RFTN2: variants seen among roughly 807,000 people sequenced by gnomAD.
RFTN2 encodes raftlin-2.
RFTN2 carries 34 observed loss-of-function variants against 52.7 expected under a neutral mutation model. That is an observed-to-expected ratio of 0.64 (90% confidence interval 0.49 to 0.86). The LOEUF (loss-of-function observed/expected upper bound fraction) is 0.86. Among genes scored for constraint, RFTN2 ranks in the 40% least tolerant of loss-of-function variants. The probability of loss-of-function intolerance (pLI) is 0.00; values close to 1 mark genes in which losing one functional copy is unlikely to be tolerated. For missense variants in RFTN2, 536 were observed against 600.1 expected (o/e 0.89, Z 1.12); for synonymous variants, 203 against 217.7 (o/e 0.93, Z 0.59).
At chr2:197,665,716 C>T (rs956161721) in intron 1 of RFTN2, among the ~76,000 whole-genome samples, 2 of 151,754 alleles carry the variant, frequency 1.3e-5, no homozygotes, top group Non-Finnish European at 1.5e-5. Flanking sequence ...TTTTTAAGTC[C>T]ATTCAGCCAG....
chr2:197,575,792 T>C (rs978113859), intron 8 of RFTN2, among the ~76,000 whole-genome samples: 18 of 141,482 alleles, frequency 1.3e-4, no homozygotes, highest in Non-Finnish European at 2.6e-4. Flanking sequence ...ATATAATATA[T>C]TATATATATT....
intron 5 of RFTN2, among the ~76,000 whole-genome samples, chr2:197,626,940 T>A (rs1282533750): frequency 3.3e-5 from 5 of 152,096 alleles, no homozygotes; most frequent in Non-Finnish European, 7.4e-5. Flanking sequence ...ACCTCACAGG[T>A]TGCTGTGGGG....
At chr2:197,616,037 T>C in intron 6 of RFTN2, 58 bp from the exon 7 acceptor site, 1 of 1,015,138 alleles carries the variant, frequency 9.9e-7, no homozygotes, top group Non-Finnish European at 1.5e-6. Flanking sequence ...AACTACACAA[T>C]TACAACAAAG....
chr2:197,579,808 T>C (rs1443729494), intron 8 of RFTN2, among the ~76,000 whole-genome samples: 1 of 151,964 alleles, frequency 6.6e-6, no homozygotes, highest in Non-Finnish European at 1.5e-5. Context: ...TGAATCAGGC[T>C]CCAATTCTTC....
At chr2:197,574,157 C>A (rs1383336623) in intron 8 of RFTN2, among the ~76,000 whole-genome samples, 1 of 152,188 alleles carries the variant, frequency 6.6e-6, no homozygotes, top group African/African-American at 2.4e-5. Context: ...AATGGTAGAT[C>A]CACTGACAGC....
At position 197,671,615 on chromosome 2, in the gene RFTN2, T is replaced by G. The variant is rs559209497; in HGVS notation, c.139+3705A>C. 4.5e-4 allele frequency among the ~76,000 whole-genome samples: 68 copies of G among 152,374 alleles called. 2 individuals are homozygous for G. The South Asian group carries it at 0.01, about 23-fold the overall frequency. Reference sequence around the variant, plus strand: ...TATCCGAGGGCAGAAACTGTCTTATTCTTTTTTATATTTCCAATGCTAATC... The same window carrying G: ...TATCCGAGGGCAGAAACTGTCTTATGCTTTTTTATATTTCCAATGCTAATC... On this transcript the variant is annotated intron_variant, in intron 1 of 8. Coordinates refer to ENST00000295049, the MANE Select transcript of RFTN2 (RefSeq NM_144629.3).
rs570985128 is a variant in RFTN2 at position 197,662,827 on chromosome 2, C to T, written c.139+12493G>A. Among the ~76,000 whole-genome samples the T allele has an allele frequency of 2.0e-4, 30 of 152,152 alleles. No individual in the cohort carries two copies. The South Asian group carries it at 6.2e-3, about 32-fold the overall frequency. On this transcript the variant is annotated intron_variant, in intron 1 of 8. Coordinates refer to ENST00000295049, the MANE Select transcript of RFTN2 (RefSeq NM_144629.3). ...AAATTTTTCTAGAGATGGGTTCTCACTATGTTGCCCAGGCTGGTCTCAAAC... is the reference window on the plus strand; with the variant it reads ...AAATTTTTCTAGAGATGGGTTCTCATTATGTTGCCCAGGCTGGTCTCAAAC...
At chr2:197,580,840 T>C (rs975145048) in intron 8 of RFTN2, among the ~76,000 whole-genome samples, 1 of 152,180 alleles carries the variant, frequency 6.6e-6, no homozygotes, top group Non-Finnish European at 1.5e-5. Context: ...AGCACTCTTT[T>C]TTAGTTATCC....
chr2:197,619,334 G>C lies in RFTN2; in HGVS notation c.929-1413C>G, dbSNP rs562958974. Among the ~76,000 whole-genome samples, 1,442 of 152,212 alleles carry C rather than the reference G, an allele frequency of 9.5e-3. 21 individuals carry two copies. The highest frequency in any genetic ancestry group is 0.03 in the African/African-American group (1,248 of 41,512). ...AGGTGGGGAAAAGATTGAGAAATCG[G>C]ATGGTTGCCGTGTCTGTGTAGAAAG... On this transcript the variant is annotated intron_variant, in intron 5 of 8. Transcript: ENST00000295049.
intron 8 of RFTN2, among the ~76,000 whole-genome samples, chr2:197,590,820 G>A (rs191328557): frequency 9.1e-4 from 139 of 152,324 alleles, no homozygotes; most frequent in African/African-American, 3.1e-3. Flanking sequence ...GGCTTCAGGC[G>A]TGAAGCTGCA....
intron 1 of RFTN2, among the ~76,000 whole-genome samples, chr2:197,668,958 GTCTC>G (rs1468089021): frequency 6.6e-6 from 1 of 152,170 alleles, no homozygotes; most frequent in Non-Finnish European, 1.5e-5. Flanking sequence ...ATACTGGGGA[GTCTC>G]TCTCAGGCCT....
At chr2:197,611,220 TG>T in intron 7 of RFTN2, among the ~76,000 whole-genome samples, 1 of 152,308 alleles carries the variant, frequency 6.6e-6, no homozygotes, top group South Asian at 2.1e-4. Context: ...TGGTAGAATT[TG>T]GCTGTGAATC....
At chr2:197,673,495 G>A (rs1249552840) in intron 1 of RFTN2, among the ~76,000 whole-genome samples, 1 of 152,184 alleles carries the variant, frequency 6.6e-6, no homozygotes, top group Non-Finnish European at 1.5e-5. Context: ...GGGGCACCAG[G>A]AGACTAGGCG....
chr2:197,654,734 A>G (rs1355859243), intron 1 of RFTN2, among the ~76,000 whole-genome samples: 1 of 152,206 alleles, frequency 6.6e-6, no homozygotes, highest in Non-Finnish European at 1.5e-5. Flanking sequence ...ATGGTGGCTC[A>G]TGCCTGTAAT....
chr2:197,607,251 G>T (rs147238436), intron 7 of RFTN2, among the ~76,000 whole-genome samples: 1,929 of 152,142 alleles, frequency 0.013, 38 homozygotes, highest in African/African-American at 0.044. Flanking sequence ...AACACCGCAT[G>T]TTCTCACTCA....
At chr2:197,629,904 T>C (rs2088437267) in intron 5 of RFTN2, among the ~76,000 whole-genome samples, 1 of 151,918 alleles carries the variant, frequency 6.6e-6, no homozygotes, top group Non-Finnish European at 1.5e-5. Flanking sequence ...TTGCATTTTT[T>C]GTAGAGATGA....
Position 197,571,027 on chromosome 2 carries a change from G to A in RFTN2, c.*981C>T, listed in dbSNP as rs1037148336. The A allele has an allele frequency of 2.0e-5, 3 of 152,260 alleles. No individual in the cohort carries two copies. The highest frequency in any genetic ancestry group is 4.8e-5 in the African/African-American group (2 of 41,438). 9.4% of individuals were successfully genotyped at this position (152,260 alleles called of 1,614,324 possible). On this transcript the variant is annotated 3_prime_UTR_variant, in exon 9 of 9. Transcript: ENST00000295049. ...GGCAAAGCCACCTCTATTAGAAGGGGAAAGAAAAGCAAGATGAAACAAAAT... is the reference window on the plus strand; with the variant it reads ...GGCAAAGCCACCTCTATTAGAAGGGAAAAGAAAAGCAAGATGAAACAAAAT...
chr2:197,637,562 T>A (rs2088589580), intron 3 of RFTN2, among the ~76,000 whole-genome samples: 1 of 152,362 alleles, frequency 6.6e-6, no homozygotes, highest in Middle Eastern at 3.4e-3. Context: ...TGGTAGTTTG[T>A]ATTTCTGTGG....
chr2:197,637,806 T>C (rs2088594172), intron 3 of RFTN2, among the ~76,000 whole-genome samples: 1 of 151,880 alleles, frequency 6.6e-6, no homozygotes, highest in Non-Finnish European at 1.5e-5. Flanking sequence ...GCTCTTGCTT[T>C]TCTAGTTCTT....
Sources: gnomAD v4.1 joint callset for allele counts (sites outside exome capture counted in the v4.1 genomes callset) on GRCh38, gnomAD v4.1.1 for gene constraint, MANE v1.5 for transcripts, NCBI Gene and HGNC (gene_info 2026-07-23, HGNC 2026-07-21) for gene names.